The following FAM186B variants were observed in gnomAD, a reference collection of about 807,000 sequenced individuals.
FAM186B encodes family with sequence similarity 186 member B, also known as protein FAM186B.
In FAM186B, 68 loss-of-function variants were observed where a neutral mutation model predicts 83.4. The ratio of observed to expected loss-of-function variants is 0.81; its 90% CI spans 0.67 to 1.00. FAM186B has a LOEUF of 1.00. Among genes scored for constraint, FAM186B ranks in the 50% least tolerant of loss-of-function variants. The pLI is 0.00. For missense variants in FAM186B, 983 were observed against 1,099.2 expected, an observed-to-expected ratio of 0.89 and a Z score of 1.49; for synonymous variants, 389 against 422.0, an observed-to-expected ratio of 0.92 and a Z score of 0.96.
At position 49,600,997 on chromosome 12, in the gene FAM186B, T is replaced by C. The variant is rs879230433; in HGVS notation, c.643A>G (p.Met215Val). ...GTAGAGTCCAGGAGCTCCTGCAGCATGGACGTCACCTCCGAGGCCTTCGTG... is the reference window on the plus strand; with the variant it reads ...GTAGAGTCCAGGAGCTCCTGCAGCACGGACGTCACCTCCGAGGCCTTCGTG... ...MNTKASEVTS[M>V]LQELLDSTMF... The change falls in exon 4 of 7, where the codon ATG (methionine) becomes GTG (valine). Residue 215 changes from methionine to valine, a missense_variant. Coordinates refer to ENST00000257894, the MANE Select transcript of FAM186B (RefSeq NM_032130.3). The surrounding 1 kb of genome is among the most constrained non-coding windows in gnomAD (Gnocchi z 4.3). 3.7e-6 allele frequency: 6 copies of C among 1,614,056 alleles called. No homozygotes were observed. The highest frequency in any genetic ancestry group is 1.1e-5 in the South Asian group (1 of 91,084).
rs769861102 is a variant in FAM186B, at chr12:49,588,466, AG to A, written c.2521del (p.Leu841CysfsTer26). On this transcript the variant is annotated frameshift_variant, in exon 6 of 7. Coordinates refer to ENST00000257894, the MANE Select transcript of FAM186B (RefSeq NM_032130.3). LOFTEE classifies it low-confidence loss of function (END_TRUNC). ...TCCCAGAACCTACCGGGCCATCTGC[AG>A]GGGCACACATGCCCGGTGCCTAGAC... is the stretch of plus-strand genomic sequence containing the variant. ...FLSRHRACVP[L>X]QMARQQGKQM... The A allele has an allele frequency of 1.3e-4, 206 of 1,612,086 alleles. No individual in the cohort carries two copies. Among genetic ancestry groups the A allele is most frequent in the Middle Eastern group, 1.6e-4 (1 of 6,064 alleles).
the FAM186B span, among the ~76,000 whole-genome samples, chr12:49,614,828 T>G: frequency 6.6e-6 from 1 of 151,456 alleles, no homozygotes; most frequent in Admixed American, 6.6e-5. Context: ...GCGGGGTGAG[T>G]GATAAAGGAC....
chr12:49,587,544 T>C lies in FAM186B; in HGVS notation c.*61A>G. The C allele has an allele frequency of 1.2e-6, 2 of 1,600,692 alleles. No homozygotes were observed. The highest frequency in any genetic ancestry group is 1.3e-5 in the African/African-American group (1 of 74,754). On this transcript the variant is annotated 3_prime_UTR_variant, in exon 7 of 7. Transcript: ENST00000257894. The stretch of plus-strand genomic sequence containing the variant: ...GAGATTTATTGGGGAGAATCCACAT[T>C]GACCATCAGCCTCGCACCTTACTGG...
chr12:49,612,758 A>G, the FAM186B span, among the ~76,000 whole-genome samples: 1 of 152,328 alleles, frequency 6.6e-6, no homozygotes, highest in Non-Finnish European at 1.5e-5. Flanking sequence ...ACCTACAAAA[A>G]GACATAGACA....
At chr12:49,611,569 T>A in the FAM186B span, among the ~76,000 whole-genome samples, 1 of 135,554 alleles carries the variant, frequency 7.4e-6, no homozygotes, top group Admixed American at 7.6e-5. Context: ...AATAAATAAA[T>A]AAAAATGTAG....
At chr12:49,584,676 G>A, downstream of FAM186B, 2 of 700,610 alleles carry the variant, frequency 2.9e-6, no homozygotes, top group South Asian at 1.5e-5. Flanking sequence ...GGCCATGTGA[G>A]TGCCATCCCA....
downstream of FAM186B, among the ~76,000 whole-genome samples, chr12:49,587,298 C>T (rs993461470): frequency 1.1e-4 from 17 of 152,264 alleles, no homozygotes; most frequent in African/African-American, 2.4e-4. Flanking sequence ...ACCCCCAAGG[C>T]TAGGGTGAGA....
chr12:49,621,006 T>C, the FAM186B span, among the ~76,000 whole-genome samples: 2 of 152,286 alleles, frequency 1.3e-5, no homozygotes, highest in East Asian at 3.9e-4. Context: ...ATGGTATATG[T>C]ATTGTTATAA....
At chr12:49,598,104 A>G (rs1043724444) in intron 5 of FAM186B, among the ~76,000 whole-genome samples, 2 of 152,230 alleles carry the variant, frequency 1.3e-5, no homozygotes, top group African/African-American at 2.4e-5. Context: ...ATGGATTCTA[A>G]GCTAGACTTC....
the FAM186B span, among the ~76,000 whole-genome samples, chr12:49,611,313 C>T: frequency 6.6e-6 from 1 of 152,098 alleles, no homozygotes; most frequent in Admixed American, 6.6e-5. Flanking sequence ...GCAGAGGTTG[C>T]AGTGAGCTGT....
At chr12:49,602,292 C>T (rs939968290) in intron 3 of FAM186B, among the ~76,000 whole-genome samples, 16 of 152,322 alleles carry the variant, frequency 1.1e-4, no homozygotes, top group Admixed American at 2.6e-4. Flanking sequence ...AGACATAGTA[C>T]GGTACAGATT....
At chr12:49,610,125 G>A (rs1184644765), upstream of FAM186B, among the ~76,000 whole-genome samples, 2 of 150,770 alleles carry the variant, frequency 1.3e-5, no homozygotes, top group Admixed American at 1.3e-4. Flanking sequence ...AGGCAGGGGA[G>A]AGGGAAAGGG....
the FAM186B span, among the ~76,000 whole-genome samples, chr12:49,622,444 C>T: frequency 6.6e-6 from 1 of 152,178 alleles, no homozygotes; most frequent in Middle Eastern, 3.2e-3. Flanking sequence ...GAGGCTGAGG[C>T]TGCAGTGAAC....
chr12:49,594,464 A>T (rs1448911342), intron 5 of FAM186B, among the ~76,000 whole-genome samples: 1 of 152,238 alleles, frequency 6.6e-6, no homozygotes, highest in Non-Finnish European at 1.5e-5. Context: ...AACTATGATA[A>T]AGTTTAATTT....
rs770279353 is a variant in FAM186B at position 49,600,373 on chromosome 12, G to T, written c.1267C>A (p.Arg423Ser). The T allele has an allele frequency of 1.1e-5, 17 of 1,614,160 alleles. No individual in the cohort carries two copies. The highest frequency in any genetic ancestry group is 1.4e-5 in the Non-Finnish European group (17 of 1,180,024). ...LEPVLLPLVD[R>S]RFPKKWERPV... ...CTTTCCCATTTCTTAGGAAACCTGC[G>T]ATCTACTAAGGGTAAAAGCACAGGC... The change falls in exon 4 of 7, where the codon CGC becomes AGC. Residue 423 changes from arginine (R) to serine (S), a missense_variant. Transcript: ENST00000257894. This position sits in a 1 kb window ranked among gnomAD's most constrained non-coding sequence, Gnocchi z 4.3.
chr12:49,605,054 A>G, intron 1 of FAM186B: 1 of 620,480 alleles, frequency 1.6e-6, no homozygotes, highest in Non-Finnish European at 2.3e-6. Flanking sequence ...GGGATTCTGG[A>G]GGGTTGCCAA....
downstream of FAM186B, chr12:49,584,118 C>T (rs1939390698): frequency 5.0e-6 from 1 of 200,558 alleles, no homozygotes; most frequent in African/African-American, 2.3e-5. Flanking sequence ...ATGTCAGTGA[C>T]ATATCTGTCC....
chr12:49,619,610 C>T, the FAM186B span: 1 of 626,880 alleles, frequency 1.6e-6, no homozygotes. Flanking sequence ...AAAACCTACA[C>T]CGTAGAAGAA....
chr12:49,594,455 A>C (rs1348628844), intron 5 of FAM186B, among the ~76,000 whole-genome samples: 3 of 152,234 alleles, frequency 2.0e-5, no homozygotes, highest in African/African-American at 7.2e-5. Context: ...TATATACTTA[A>C]CTATGATAAA....
Sources: allele counts gnomAD v4.1 joint callset (sites outside exome capture counted in the v4.1 genomes callset), GRCh38; gene constraint gnomAD v4.1.1; non-coding constraint Gnocchi (gnomAD v3.1); transcripts MANE v1.5; gene names NCBI Gene and HGNC (gene_info 2026-07-23, HGNC 2026-07-21).